Variants in STARD13 observed in about 807,000 individuals in gnomAD.
STARD13 encodes the protein stAR-related lipid transfer protein 13.
STARD13 carries 62 observed loss-of-function variants against 106.4 expected under a neutral mutation model. The observed-to-expected ratio is 0.58, with a 90% CI of 0.48 to 0.72. STARD13 has a LOEUF of 0.72. STARD13 is among the 30% of genes least tolerant of loss of function. The pLI is 0.00. For missense variants in STARD13, 1,387 were observed against 1,424.0 expected (o/e 0.97, Z 0.42); for synonymous variants, 565 against 553.0 (o/e 1.02, Z -0.31).
At chr13:33,504,929 TC>T in the STARD13 span, among the ~76,000 whole-genome samples, 1 of 152,122 alleles carries the variant, frequency 6.6e-6, no homozygotes, top group Non-Finnish European at 1.5e-5. Flanking sequence ...AGGTCTTACT[TC>T]TGCAGAAAAG....
the STARD13 span, among the ~76,000 whole-genome samples, chr13:33,627,643 A>G: frequency 6.6e-5 from 10 of 151,810 alleles, no homozygotes; most frequent in Non-Finnish European, 1.5e-4. Context: ...TCTCAAAAAA[A>G]AAAAAAAAAT....
the STARD13 span, among the ~76,000 whole-genome samples, chr13:33,605,051 C>A: frequency 6.6e-6 from 1 of 151,534 alleles, no homozygotes; most frequent in Admixed American, 6.6e-5. Flanking sequence ...CAAGCCTGGG[C>A]AACACAGTGA....
At chr13:33,591,050 G>A in the STARD13 span, among the ~76,000 whole-genome samples, 1 of 152,140 alleles carries the variant, frequency 6.6e-6, no homozygotes, top group Non-Finnish European at 1.5e-5. Context: ...TTGGAATTTC[G>A]CATTCATTTC....
intron 1 of STARD13, among the ~76,000 whole-genome samples, chr13:33,171,233 G>T (rs926397505): frequency 1.5e-4 from 23 of 152,260 alleles, no homozygotes; most frequent in African/African-American, 5.5e-4. Context: ...CCCTGTAGCA[G>T]CTCCAGGGCT....
intron 1 of STARD13, among the ~76,000 whole-genome samples, chr13:33,184,133 C>T (rs996177069): frequency 2.0e-5 from 3 of 152,214 alleles, no homozygotes; most frequent in Non-Finnish European, 4.4e-5. Flanking sequence ...CCTCCTCCAA[C>T]AAACCTTTCC....
At chr13:33,248,647 ATCT>A (rs1889949727) in intron 1 of STARD13, among the ~76,000 whole-genome samples, 1 of 151,658 alleles carries the variant, frequency 6.6e-6, no homozygotes, top group Non-Finnish European at 1.5e-5. Context: ...TCCTTCATTT[ATCT>A]TCTTTTGTTT....
the STARD13 span, among the ~76,000 whole-genome samples, chr13:33,435,945 A>C: frequency 6.6e-6 from 1 of 152,312 alleles, no homozygotes; most frequent in Non-Finnish European, 1.5e-5. Context: ...TTTTCTTCAT[A>C]ATAATTGGAT....
chr13:33,517,277 T>C, the STARD13 span, among the ~76,000 whole-genome samples: 1 of 152,046 alleles, frequency 6.6e-6, no homozygotes, highest in Non-Finnish European at 1.5e-5. Flanking sequence ...TAAAACCCAA[T>C]TCGTTTTGCC....
chr13:33,256,375 G>A lies in STARD13; in HGVS notation c.169+29095C>T, dbSNP rs963324664. ...AGTCAGCAGTGTTGCCATTGTGTCC[G>A]CCTCACTTCCTCCCCTCTTGCAAAT... On this transcript the variant is annotated intron_variant, in intron 1 of 13. Transcript: ENST00000336934. 3.9e-5 allele frequency among the ~76,000 whole-genome samples: 6 copies of A among 152,126 alleles called. No homozygotes were observed. In the South Asian group the frequency reaches 1.0e-3, roughly 26 times the overall value.
chr13:33,665,077 G>T, the STARD13 span, among the ~76,000 whole-genome samples: 69 of 152,220 alleles, frequency 4.5e-4, 3 homozygotes, highest in African/African-American at 1.6e-3. Flanking sequence ...TGTTACTGTG[G>T]CGAGCATTTC....
chr13:33,126,732 T>C (rs892645013), intron 6 of STARD13, among the ~76,000 whole-genome samples: 1 of 152,244 alleles, frequency 6.6e-6, no homozygotes, highest in Non-Finnish European at 1.5e-5. Flanking sequence ...GATTTGACCA[T>C]GAATTTATAA....
intron 1 of STARD13, among the ~76,000 whole-genome samples, chr13:33,217,776 T>C (rs1326184626): frequency 3.9e-5 from 6 of 152,226 alleles, no homozygotes; most frequent in Admixed American, 3.9e-4. Flanking sequence ...CAAAATTGTT[T>C]TTTAAATGCA....
intron 3 of STARD13, among the ~76,000 whole-genome samples, chr13:33,154,985 C>T (rs958578545): frequency 6.6e-6 from 1 of 152,082 alleles, no homozygotes. Context: ...TTCTTTCCTT[C>T]CCCTTCCCCT....
intron 1 of STARD13, among the ~76,000 whole-genome samples, chr13:33,295,674 GTGC>G (rs1892461376): frequency 6.6e-6 from 1 of 152,070 alleles, no homozygotes; most frequent in African/African-American, 2.4e-5. Flanking sequence ...TGCGTTGCTG[GTGC>G]TATGACAGAG....
the STARD13 span, among the ~76,000 whole-genome samples, chr13:33,409,464 T>C: frequency 6.6e-6 from 1 of 152,182 alleles, no homozygotes; most frequent in African/African-American, 2.4e-5. Flanking sequence ...GAAGAATAAA[T>C]AAAAGGGACC....
the STARD13 span, among the ~76,000 whole-genome samples, chr13:33,456,584 A>T: frequency 2.0e-5 from 3 of 152,130 alleles, no homozygotes; most frequent in East Asian, 5.8e-4. Flanking sequence ...CTGGCAGATG[A>T]CCACCTTTTT....
At chr13:33,644,470 C>G in the STARD13 span, among the ~76,000 whole-genome samples, 1 of 152,072 alleles carries the variant, frequency 6.6e-6, no homozygotes, top group African/African-American at 2.4e-5. Flanking sequence ...GCACAGCGCA[C>G]ACACAGAGAC....
At chr13:33,283,270 G>T (rs1891894150) in intron 1 of STARD13, among the ~76,000 whole-genome samples, 1 of 151,994 alleles carries the variant, frequency 6.6e-6, no homozygotes. Context: ...TCAATCATAG[G>T]TTCAGTACTT....
At chr13:33,510,332 CA>C in the STARD13 span, among the ~76,000 whole-genome samples, 1 of 152,100 alleles carries the variant, frequency 6.6e-6, no homozygotes, top group South Asian at 2.1e-4. Context: ...TTGCAAGGGC[CA>C]CTTTGAGAAT....
Sources: gnomAD v4.1 joint callset for allele counts (sites outside exome capture counted in the v4.1 genomes callset) on GRCh38, gnomAD v4.1.1 for gene constraint, MANE v1.5 for transcripts, NCBI Gene and HGNC (gene_info 2026-07-23, HGNC 2026-07-21) for gene names.